Variants in RIMS1 observed in about 807,000 individuals in gnomAD.
RIMS1 encodes the protein regulating synaptic membrane exocytosis 1.
RIMS1 carries 83 observed loss-of-function variants against 214.1 expected under a neutral mutation model. The observed-to-expected ratio is 0.39, with a 90% CI of 0.32 to 0.47. The LOEUF (loss-of-function observed/expected upper bound fraction) is 0.47, where lower values mean the gene tolerates loss of function less well. Among genes scored for constraint, RIMS1 ranks in the 20% least tolerant of loss-of-function variants. The pLI, the probability that RIMS1 is intolerant of heterozygous loss-of-function variation, is 0.99. For missense variants in RIMS1, 2,050 were observed against 2,161.8 expected, an observed-to-expected ratio of 0.95 and a Z score of 1.03; for synonymous variants, 793 against 786.8, an observed-to-expected ratio of 1.01 and a Z score of -0.13.
intron 6 of RIMS1, among the ~76,000 whole-genome samples, chr6:72,192,478 AATTG>A (rs1212805717): frequency 1.3e-5 from 2 of 152,276 alleles, no homozygotes; most frequent in Admixed American, 6.5e-5. Context: ...CAGGTCTGGA[AATTG>A]ATTGAAGGGC....
In RIMS1 at chr6:71,950,240, A is replaced by G. The variant is rs143283228; in HGVS notation, c.165-18743A>G. Among the ~76,000 whole-genome samples, 233 of 152,294 alleles carry G rather than the reference A, an allele frequency of 1.5e-3. 2 individuals are homozygous for G. Among genetic ancestry groups the G allele is most frequent in the African/African-American group, 5.4e-3 (226 of 41,576 alleles). ...AAGGAGGTTGACTACAAGAGATAGT[A>G]GAGAAGTCTTTTGGGTGATACAAGT... is the stretch of plus-strand genomic sequence containing the variant. On this transcript the variant is annotated intron_variant, in intron 1 of 33. Transcript: ENST00000521978.
intron 4 of RIMS1, among the ~76,000 whole-genome samples, chr6:72,176,695 A>G (rs2047756402): frequency 6.6e-6 from 1 of 150,908 alleles, no homozygotes; most frequent in African/African-American, 2.4e-5. Context: ...AGACATAGAA[A>G]AAGTTTGGAA....
chr6:72,136,195 A>C (rs2041248007), intron 4 of RIMS1, among the ~76,000 whole-genome samples: 1 of 152,226 alleles, frequency 6.6e-6, no homozygotes, highest in Non-Finnish European at 1.5e-5. Context: ...GAATGTTAGA[A>C]GAGTTAGTCA....
intron 10 of RIMS1, among the ~76,000 whole-genome samples, chr6:72,245,283 AT>A (rs1009500753): frequency 1.3e-5 from 2 of 151,724 alleles, no homozygotes; most frequent in African/African-American, 4.8e-5. Context: ...ATATAAAATA[AT>A]TTGGCTTTTT....
chr6:72,122,607 G>A (rs532587702), intron 4 of RIMS1, among the ~76,000 whole-genome samples: 1 of 151,792 alleles, frequency 6.6e-6, no homozygotes, highest in Non-Finnish European at 1.5e-5. Context: ...GTCTGGTCCT[G>A]GACTTTTTTT....
At chr6:72,286,072 C>A (rs2092207300) in intron 24 of RIMS1, among the ~76,000 whole-genome samples, 1 of 152,002 alleles carries the variant, frequency 6.6e-6, no homozygotes, top group Non-Finnish European at 1.5e-5. Flanking sequence ...TGGCACATGC[C>A]TGTAATCCCA....
intron 26 of RIMS1, among the ~76,000 whole-genome samples, chr6:72,293,457 G>T (rs535586494): frequency 6.6e-6 from 1 of 151,932 alleles, no homozygotes; most frequent in East Asian, 1.9e-4. Flanking sequence ...GCAAAAGTTG[G>T]TGTTTATTTA....
chr6:72,110,272 A>G (rs1175691829), intron 4 of RIMS1, among the ~76,000 whole-genome samples: 1 of 152,136 alleles, frequency 6.6e-6, no homozygotes, highest in Non-Finnish European at 1.5e-5. Flanking sequence ...AATGGCATTG[A>G]ATCTATAAAT....
intron 4 of RIMS1, among the ~76,000 whole-genome samples, chr6:72,161,864 G>C (rs1241434431): frequency 1.4e-5 from 2 of 141,080 alleles, no homozygotes; most frequent in Non-Finnish European, 3.2e-5. Flanking sequence ...TGTATATTCT[G>C]TTGATTTGGG....
At chr6:72,303,532 A>G (rs1371997784) in intron 26 of RIMS1, among the ~76,000 whole-genome samples, 1 of 151,364 alleles carries the variant, frequency 6.6e-6, no homozygotes, top group Non-Finnish European at 1.5e-5. Context: ...CTTATCTTGC[A>G]TACTCCAGTC....
At chr6:72,013,555 G>C (rs1811623122) in intron 2 of RIMS1, among the ~76,000 whole-genome samples, 1 of 152,174 alleles carries the variant, frequency 6.6e-6, no homozygotes, top group Non-Finnish European at 1.5e-5. Flanking sequence ...TGTGGACTAA[G>C]TGTCCTGAAA....
At chr6:72,092,564 T>G (rs1270849076) in intron 2 of RIMS1, among the ~76,000 whole-genome samples, 1 of 152,114 alleles carries the variant, frequency 6.6e-6, no homozygotes, top group African/African-American at 2.4e-5. Flanking sequence ...AAACAAGACC[T>G]GCTGCTGAAA....
chr6:71,908,572 C>T (rs899696430), intron 1 of RIMS1, among the ~76,000 whole-genome samples: 1 of 152,140 alleles, frequency 6.6e-6, no homozygotes, highest in Non-Finnish European at 1.5e-5. Context: ...TGGGTGGCTG[C>T]ATATAAGTAT....
At chr6:72,286,308 G>C (rs2092295834) in intron 24 of RIMS1, among the ~76,000 whole-genome samples, 1 of 152,100 alleles carries the variant, frequency 6.6e-6, no homozygotes. Flanking sequence ...GAAAATGATA[G>C]ATGATGCCAG....
chr6:72,061,344 A>G (rs1827802045), intron 2 of RIMS1, among the ~76,000 whole-genome samples: 1 of 152,264 alleles, frequency 6.6e-6, no homozygotes, highest in African/African-American at 2.4e-5. Flanking sequence ...AACTGGAAAT[A>G]TTGAGGCATG....
intron 8 of RIMS1, among the ~76,000 whole-genome samples, chr6:72,236,832 A>G (rs2064309311): frequency 6.7e-6 from 1 of 150,368 alleles, no homozygotes; most frequent in South Asian, 2.1e-4. Flanking sequence ...ACAAATTTCT[A>G]TTGGGCCACA....
At chr6:72,350,804 G>C (rs2097421517) in intron 29 of RIMS1, among the ~76,000 whole-genome samples, 1 of 151,994 alleles carries the variant, frequency 6.6e-6, no homozygotes, top group South Asian at 2.1e-4. Context: ...TAGAACTTTA[G>C]CTTTTACAAA....
At chr6:72,244,741 G>T (rs574020755) in intron 10 of RIMS1, among the ~76,000 whole-genome samples, 1 of 151,764 alleles carries the variant, frequency 6.6e-6, no homozygotes, top group South Asian at 2.1e-4. Context: ...TTTTTAGGAA[G>T]TATAAATTAT....
chr6:72,089,338 T>C (rs951831218), intron 2 of RIMS1, among the ~76,000 whole-genome samples: 1 of 152,172 alleles, frequency 6.6e-6, no homozygotes, highest in Non-Finnish European at 1.5e-5. Context: ...TTGTGGTGGC[T>C]TCTAGATCAG....
Sources: gnomAD v4.1 joint callset for allele counts (sites outside exome capture counted in the v4.1 genomes callset) on GRCh38, gnomAD v4.1.1 for gene constraint, MANE v1.5 for transcripts, NCBI Gene and HGNC (gene_info 2026-07-23, HGNC 2026-07-21) for gene names.